The following LETM1 variants were observed in gnomAD, a reference collection of about 807,000 sequenced individuals.
LETM1 encodes the protein mitochondrial proton/calcium exchanger protein.
A neutral mutation model predicts 74.5 loss-of-function variants in LETM1; 50 were observed. The observed-to-expected ratio is 0.67, with a 90% CI of 0.53 to 0.85. LETM1 has a LOEUF of 0.85. Among genes scored for constraint, LETM1 ranks in the 40% least tolerant of loss-of-function variants. LETM1 has a pLI of 0.00. For synonymous variants in LETM1, 446 were observed against 407.1 expected (o/e 1.10, Z -1.15); for missense variants, 824 against 967.8 (o/e 0.85, Z 1.97).
rs1025330966 is a variant in LETM1 at position 1,847,576 on chromosome 4, T to C, written c.143+1573A>G. On this transcript the variant is annotated intron_variant, in intron 2 of 13. Coordinates refer to ENST00000302787, the MANE Select transcript of LETM1 (RefSeq NM_012318.3). ...GGCTCACACCTGTAATCCCAGCACT[T>C]TGGGAGGCCGAGGTAGGTGGATCAT... 2.0e-5 allele frequency among the ~76,000 whole-genome samples: 3 copies of C among 152,020 alleles called. No individual in the cohort carries two copies. In the East Asian group the frequency reaches 5.8e-4, roughly 29 times the overall value.
At chr4:1,848,134 T>C (rs997834318) in intron 2 of LETM1, among the ~76,000 whole-genome samples, 2 of 152,212 alleles carry the variant, frequency 1.3e-5, no homozygotes, top group African/African-American at 2.4e-5. Context: ...CCAGGCATGG[T>C]GGCTCACACC....
At chr4:1,820,702 A>G (rs1170555789) in intron 10 of LETM1, among the ~76,000 whole-genome samples, 3 of 152,154 alleles carry the variant, frequency 2.0e-5, no homozygotes. Flanking sequence ...AGCTTTTCTA[A>G]TTTAGTCTGT....
chr4:1,841,721 C>A lies in LETM1; in HGVS notation c.220G>T (p.Ala74Ser). Reference protein sequence around the residue: ...SSRGDHLGCWALRPECLRIVS... With the variant: ...SSRGDHLGCWSLRPECLRIVS... ...ATGCGAAGGCACTCGGGCCTCAGAG[C>A]CCAACAGCCGAGGTGATCGCCTCTG... Residue 74 changes from alanine to serine, a missense_variant, in exon 3 of 14, where the codon GCT becomes TCT. Coordinates refer to ENST00000302787, the MANE Select transcript of LETM1 (RefSeq NM_012318.3). The A allele has an allele frequency of 6.2e-7, 1 of 1,614,174 alleles. No individual in the cohort carries two copies. The highest frequency in any genetic ancestry group is 8.5e-7 in the Non-Finnish European group (1 of 1,180,050).
intron 3 of LETM1, among the ~76,000 whole-genome samples, chr4:1,838,070 C>G (rs1338333847): frequency 6.6e-6 from 1 of 152,024 alleles, no homozygotes; most frequent in Non-Finnish European, 1.5e-5. Context: ...CCTTTTAGAG[C>G]ACATTTCAGT....
intron 5 of LETM1, chr4:1,833,952 G>T (rs1326580868): frequency 6.6e-6 from 1 of 152,332 alleles, no homozygotes; most frequent in African/African-American, 2.4e-5. Flanking sequence ...AAGGCACGAT[G>T]TCCTGGGTGA....
Position 1,815,688 on chromosome 4 carries a change from C to G in LETM1, c.2046G>C (p.Lys682Asn). 1 of 1,614,230 alleles carries G rather than the reference C, an allele frequency of 6.2e-7. No individual in the cohort carries two copies. Among genetic ancestry groups the G allele is most frequent in the Non-Finnish European group, 8.5e-7 (1 of 1,180,028 alleles). Residue 682 changes from lysine to asparagine, a missense_variant, in exon 13 of 14, where the codon AAG (lysine) becomes AAC (asparagine). Around this residue, in one of 4 missense-constraint regions of LETM1, gnomAD observed 161 missense variants for 252.7 expected, o/e 0.64. Transcript: ENST00000302787. ...CCTTGACGAGGTCGTCGATGTTGACCTTGCCATCCTTGTTTTCATCCAGTG... is the reference window on the plus strand; with the variant it reads ...CCTTGACGAGGTCGTCGATGTTGACGTTGCCATCCTTGTTTTCATCCAGTG... The part of the protein sequence containing the change: ...AAALDENKDG[K>N]VNIDDLVKVI...
At chr4:1,849,319 C>T in intron 1 of LETM1, 110 bp from the exon 2 acceptor site, 1 of 745,222 alleles carries the variant, frequency 1.3e-6, no homozygotes, top group Non-Finnish European at 2.4e-6. Flanking sequence ...GGCTAGAGTG[C>T]AATGGCGTGA....
intron 11 of LETM1, 97 bp from the exon 12 acceptor site, chr4:1,817,011 C>A: frequency 9.8e-7 from 1 of 1,019,850 alleles, no homozygotes; most frequent in Non-Finnish European, 1.5e-6. Flanking sequence ...TTTGCAAGGC[C>A]AAGGCGGGCG....
intron 8 of LETM1, 33 bp downstream of exon 8, chr4:1,823,611 G>C (rs778399282): frequency 6.2e-7 from 1 of 1,611,252 alleles, no homozygotes; most frequent in South Asian, 1.1e-5. Flanking sequence ...CCTATGAAGA[G>C]ATGAGGTAAA....
chr4:1,841,690 G>A lies in LETM1; in HGVS notation c.251C>T (p.Ser84Leu), dbSNP rs202034038. ...ALRPECLRIV[S>L]RAPWTSTSVG... ...AGAGGTAGAGGTCCATGGCGCTCTC[G>A]ACACTATGCGAAGGCACTCGGGCCT... The change falls in exon 3 of 14, where the codon TCG (serine) becomes TTG (leucine). Residue 84 changes from serine to leucine, a missense_variant. Ser to Leu is a moderately radical substitution (Grantham distance 145). Around this residue, in one of 4 missense-constraint regions of LETM1, gnomAD observed 222 missense variants for 195.6 expected, o/e 1.14. Coordinates refer to ENST00000302787, the MANE Select transcript of LETM1 (RefSeq NM_012318.3). The A allele has an allele frequency of 1.0e-4, 165 of 1,614,070 alleles. No individual in the cohort carries two copies. Among genetic ancestry groups the A allele is most frequent in the Non-Finnish European group, 1.3e-4 (152 of 1,180,036 alleles).
At chr4:1,843,473 G>T (rs60828216) in intron 2 of LETM1, among the ~76,000 whole-genome samples, 4,194 of 152,320 alleles carry the variant, frequency 0.028, 191 homozygotes, top group African/African-American at 0.097. Context: ...AGGATCAGAA[G>T]CCAGAGCAGC....
At chr4:1,835,427 C>CGA (rs1163819128) in intron 4 of LETM1, among the ~76,000 whole-genome samples, 2 of 151,316 alleles carry the variant, frequency 1.3e-5, no homozygotes, top group Non-Finnish European at 2.9e-5. Context: ...GGTGACAGAG[C>CGA]GAAACTCCGT....
intron 6 of LETM1, among the ~76,000 whole-genome samples, chr4:1,829,372 TGG>T (rs1712175168): frequency 2.4e-5 from 3 of 127,340 alleles, no homozygotes; most frequent in African/African-American, 9.5e-5. Flanking sequence ...CCCTCCCGGA[TGG>T]GGCGGCTGGC....
chr4:1,843,486 G>A (rs1712776791), intron 2 of LETM1, among the ~76,000 whole-genome samples: 1 of 152,214 alleles, frequency 6.6e-6, no homozygotes, highest in African/African-American at 2.4e-5. Flanking sequence ...AGAGCAGCAG[G>A]GGCTCCACTC....
chr4:1,833,648 C>A, intron 5 of LETM1: 1 of 152,812 alleles, frequency 6.5e-6, no homozygotes, highest in Non-Finnish European at 1.5e-5. Flanking sequence ...CACTCAGGGC[C>A]CTTTGGGTGA....
At chr4:1,850,170 A>AG (rs200765648) in intron 1 of LETM1, among the ~76,000 whole-genome samples, 1 of 152,032 alleles carries the variant, frequency 6.6e-6, no homozygotes, top group Non-Finnish European at 1.5e-5. Context: ...GAAAAAAAAA[A>AG]TCTGAAAGAG....
chr4:1,829,226 C>T (rs1712164883), intron 6 of LETM1, among the ~76,000 whole-genome samples: 3 of 147,542 alleles, frequency 2.0e-5, no homozygotes, highest in African/African-American at 5.1e-5. Flanking sequence ...GGGGCCGACC[C>T]CCCCACCTCC....
rs1711780088 is a variant in LETM1 at position 1,821,683 on chromosome 4, AC to A, written c.1608+497del. ...AGCCCGCGAGTTCAAGATGGAAGGT[AC>A]CAGGAGGCGCCCCAGGTAGGCAGCA... On this transcript the variant is annotated intron_variant, in intron 10 of 13. Coordinates refer to ENST00000302787, the MANE Select transcript of LETM1 (RefSeq NM_012318.3). Among the ~76,000 whole-genome samples the A allele has an allele frequency of 2.6e-5, 4 of 152,124 alleles. No homozygotes were observed. In the South Asian group the frequency reaches 8.3e-4, roughly 32 times the overall value.
intron 13 of LETM1, 33 bp from the exon 14 acceptor site, chr4:1,814,606 G>A (rs1375200321): frequency 9.4e-6 from 15 of 1,590,316 alleles, no homozygotes; most frequent in African/African-American, 1.3e-5. Context: ...GGCTCAGGTG[G>A]CTGCGCCCTA....
Sources: allele counts gnomAD v4.1 joint callset (sites outside exome capture counted in the v4.1 genomes callset), GRCh38; gene constraint gnomAD v4.1.1; regional missense constraint gnomAD v4.1.1; transcripts MANE v1.5; gene names NCBI Gene and HGNC (gene_info 2026-07-23, HGNC 2026-07-21).